Variants in MBD5 observed in about 807,000 individuals in gnomAD.
The protein encoded by MBD5 is methyl-CpG binding domain protein 5, also known as methyl-CpG-binding domain protein 5.
Under a neutral mutation model 117.3 loss-of-function variants are expected in MBD5, and 13 were observed. That is an observed-to-expected ratio of 0.11 (90% confidence interval 0.07 to 0.18). The LOEUF is 0.18. MBD5 is among the 10% of genes least tolerant of loss of function. The probability of loss-of-function intolerance (pLI) is 1.00; values close to 1 mark genes in which losing one functional copy is unlikely to be tolerated. For missense variants in MBD5, 1,879 were observed against 2,093.8 expected (o/e 0.90, Z 2.00); for synonymous variants, 727 against 766.4 (o/e 0.95, Z 0.85).
intron 2 of MBD5, among the ~76,000 whole-genome samples, chr2:148,204,485 G>A (rs1337140275): frequency 6.6e-6 from 1 of 152,108 alleles, no homozygotes; most frequent in Non-Finnish European, 1.5e-5. Context: ...TATTGAAAGA[G>A]CATACCATGG....
chr2:148,207,365 G>A (rs1021728172), intron 2 of MBD5, among the ~76,000 whole-genome samples: 2 of 151,704 alleles, frequency 1.3e-5, no homozygotes, highest in Admixed American at 1.3e-4. Flanking sequence ...GAGTGCCTGG[G>A]GGAAAGAAGG....
intron 1 of MBD5, among the ~76,000 whole-genome samples, chr2:148,133,615 G>A (rs1697102653): frequency 6.6e-6 from 1 of 152,200 alleles, no homozygotes; most frequent in Non-Finnish European, 1.5e-5. Context: ...CCTGAGGTCA[G>A]GATTTCAAGA....
At chr2:148,396,043 T>C (rs1248737397) in intron 4 of MBD5, among the ~76,000 whole-genome samples, 1 of 152,228 alleles carries the variant, frequency 6.6e-6, no homozygotes, top group African/African-American at 2.4e-5. Flanking sequence ...ATTCTTCTTT[T>C]CCCCTCATCC....
chr2:148,394,339 T>G (rs1336162718), intron 4 of MBD5, among the ~76,000 whole-genome samples: 1 of 152,134 alleles, frequency 6.6e-6, no homozygotes, highest in African/African-American at 2.4e-5. Context: ...CTGAGATGGG[T>G]GGTCTTTGGC....
chr2:148,487,002 C>T (rs892270513), intron 10 of MBD5, among the ~76,000 whole-genome samples: 4 of 152,094 alleles, frequency 2.6e-5, no homozygotes, highest in Non-Finnish European at 1.5e-5. Flanking sequence ...ATGTTCAGTG[C>T]AATATAATTT....
chr2:148,372,844 T>A (rs1242776400), intron 4 of MBD5, among the ~76,000 whole-genome samples: 2 of 152,076 alleles, frequency 1.3e-5, no homozygotes, highest in Non-Finnish European at 2.9e-5. Context: ...GAAAGTAACT[T>A]CTACTTGAAC....
intron 1 of MBD5, chr2:148,062,445 G>A (rs776725681): frequency 4.0e-5 from 6 of 151,842 alleles, no homozygotes; most frequent in Non-Finnish European, 8.8e-5. Flanking sequence ...CTTTTAAAAT[G>A]TGTGTAATTT....
chr2:148,279,727 T>G (rs1245208782), intron 3 of MBD5, among the ~76,000 whole-genome samples: 2 of 152,232 alleles, frequency 1.3e-5, no homozygotes, highest in African/African-American at 2.4e-5. Context: ...ATTCTGATAG[T>G]ACTTTTCCTT....
chr2:148,289,800 A>G (rs1701455575), intron 3 of MBD5, among the ~76,000 whole-genome samples: 1 of 152,176 alleles, frequency 6.6e-6, no homozygotes, highest in Admixed American at 6.6e-5. Context: ...TAGTATTGTC[A>G]CTGCTTTGCA....
rs565469232 is a variant in MBD5 at position 148,240,488 on chromosome 2, A to G, written c.-680+7093A>G. Among the ~76,000 whole-genome samples, 88 of 152,012 alleles carry G rather than the reference A, an allele frequency of 5.8e-4. 1 individual carries two copies. Among genetic ancestry groups the G allele is most frequent in the Non-Finnish European group, 1.0e-3 (71 of 68,004 alleles). On this transcript the variant is annotated intron_variant, in intron 3 of 13. Transcript: ENST00000642680. Reference sequence around the variant, plus strand: ...TGGTCTCGAATGCCTGGGTTCAAGCAATCCTCCTGTTTCAGCCACCCAAAG... The same window carrying G: ...TGGTCTCGAATGCCTGGGTTCAAGCGATCCTCCTGTTTCAGCCACCCAAAG...
chr2:148,120,109 T>C (rs1696732867), intron 1 of MBD5, among the ~76,000 whole-genome samples: 2 of 152,134 alleles, frequency 1.3e-5, no homozygotes, highest in Non-Finnish European at 2.9e-5. Flanking sequence ...AGATGGAGTT[T>C]TGCCGTATTG....
At chr2:148,152,168 T>A (rs1171635123) in intron 1 of MBD5, among the ~76,000 whole-genome samples, 1 of 152,226 alleles carries the variant, frequency 6.6e-6, no homozygotes, top group East Asian at 1.9e-4. Flanking sequence ...TTCAAAAACA[T>A]CTTTATTTCT....
intron 2 of MBD5, among the ~76,000 whole-genome samples, chr2:148,202,311 T>C (rs766981423): frequency 6.6e-6 from 1 of 152,116 alleles, no homozygotes; most frequent in Non-Finnish European, 1.5e-5. Flanking sequence ...GATAAAGTGG[T>C]CAGGGAGGCC....
intron 1 of MBD5, among the ~76,000 whole-genome samples, chr2:148,167,009 A>G (rs16828354): frequency 0.31 from 46,820 of 151,902 alleles, 8,354 homozygotes; most frequent in East Asian, 0.46. Flanking sequence ...AGTATGCATC[A>G]TCTAAAAGAT....
At chr2:148,225,032 G>C (rs1416787530) in intron 2 of MBD5, among the ~76,000 whole-genome samples, 2 of 152,046 alleles carry the variant, frequency 1.3e-5, no homozygotes, top group Non-Finnish European at 2.9e-5. Context: ...GCAACTCAAT[G>C]TCTTTTGATT....
intron 2 of MBD5, among the ~76,000 whole-genome samples, chr2:148,226,719 A>C (rs1022134215): frequency 2.7e-4 from 41 of 152,192 alleles, no homozygotes; most frequent in African/African-American, 9.9e-4. Context: ...ACTAGTTTAC[A>C]GTCCCACCAG....
intron 4 of MBD5, among the ~76,000 whole-genome samples, chr2:148,435,455 G>A (rs1706127655): frequency 6.6e-6 from 1 of 152,108 alleles, no homozygotes; most frequent in Non-Finnish European, 1.5e-5. Context: ...AATTCTCTTA[G>A]CATTTGCTTG....
chr2:148,064,305 C>T (rs539213318), intron 1 of MBD5, among the ~76,000 whole-genome samples: 83 of 151,738 alleles, frequency 5.5e-4, no homozygotes, highest in African/African-American at 1.9e-3. Flanking sequence ...TTAGTAGAGA[C>T]GGGGTTTCTC....
chr2:148,423,466 G>A (rs962947071), intron 4 of MBD5, among the ~76,000 whole-genome samples: 1 of 152,018 alleles, frequency 6.6e-6, no homozygotes, highest in Non-Finnish European at 1.5e-5. Context: ...CATAAGTGAA[G>A]GAGAAATAAA....
Sources: gnomAD v4.1 joint callset for allele counts (sites outside exome capture counted in the v4.1 genomes callset) on GRCh38, gnomAD v4.1.1 for gene constraint, MANE v1.5 for transcripts, NCBI Gene and HGNC (gene_info 2026-07-23, HGNC 2026-07-21) for gene names.